The following LCLAT1 variants were observed in gnomAD, a reference collection of about 807,000 sequenced individuals.
LCLAT1 encodes the protein lysocardiolipin acyltransferase 1.
Under a neutral mutation model 30.7 loss-of-function variants are expected in LCLAT1, and 11 were observed. The observed-to-expected ratio is 0.36, with a 90% CI of 0.23 to 0.59. LCLAT1 has a LOEUF of 0.59. Among genes scored for constraint, LCLAT1 ranks in the 20% least tolerant of loss-of-function variants. The pLI is 0.77. For synonymous variants in LCLAT1, 155 were observed against 151.3 expected (o/e 1.02, Z -0.18); for missense variants, 402 against 458.6 (o/e 0.88, Z 1.13).
At chr2:30,521,545 G>T (rs1385174016) in intron 1 of LCLAT1, among the ~76,000 whole-genome samples, 1 of 108,802 alleles carries the variant, frequency 9.2e-6, no homozygotes, top group Non-Finnish European at 1.7e-5. Context: ...GTCTCACTCT[G>T]TCACCAGGCT....
chr2:30,591,309 T>A (rs900816221), intron 5 of LCLAT1, among the ~76,000 whole-genome samples: 4 of 152,142 alleles, frequency 2.6e-5, no homozygotes, highest in African/African-American at 7.2e-5. Context: ...ACAAATGACT[T>A]CTGTGTAAAG....
chr2:30,517,747 GAGTCAGAGAGAGACAGAA>G (rs1362397307), intron 1 of LCLAT1, among the ~76,000 whole-genome samples: 1 of 152,124 alleles, frequency 6.6e-6, no homozygotes, highest in Non-Finnish European at 1.5e-5. Flanking sequence ...GAAACAAAGG[GAGTCAGAGAGAGACAGAA>G]AGTCAGAGAG....
At chr2:30,569,618 T>TTC (rs1193904807) in intron 5 of LCLAT1, among the ~76,000 whole-genome samples, 1 of 127,346 alleles carries the variant, frequency 7.9e-6, no homozygotes, top group African/African-American at 2.9e-5. Flanking sequence ...TGAAGTTCTT[T>TTC]CCCTAAATGG....
intron 3 of LCLAT1, among the ~76,000 whole-genome samples, chr2:30,539,548 T>C (rs1664025371): frequency 1.3e-5 from 2 of 152,164 alleles, no homozygotes; most frequent in African/African-American, 2.4e-5. Context: ...CTTCAACTTA[T>C]TTAAGAACAT....
At chr2:30,470,603 A>G (rs1025146332) in intron 1 of LCLAT1, among the ~76,000 whole-genome samples, 2 of 152,234 alleles carry the variant, frequency 1.3e-5, no homozygotes, top group Non-Finnish European at 2.9e-5. Context: ...CAGCTACGTT[A>G]GGGTTTTCTC....
At chr2:30,573,928 A>G (rs1177292986) in intron 5 of LCLAT1, among the ~76,000 whole-genome samples, 1 of 152,000 alleles carries the variant, frequency 6.6e-6, no homozygotes, top group East Asian at 1.9e-4. Flanking sequence ...TGTATCATAT[A>G]ATAATAGCAG....
chr2:30,560,283 GGTGTGTGTGT>G (rs57326977), intron 3 of LCLAT1, among the ~76,000 whole-genome samples: 1,977 of 144,560 alleles, frequency 0.014, 27 homozygotes, highest in African/African-American at 0.045. Flanking sequence ...AATAAAGTGT[GGTGTGTGTGT>G]GTGTGTGTGT....
intron 4 of LCLAT1, among the ~76,000 whole-genome samples, chr2:30,563,411 G>A (rs2148443199): frequency 6.6e-6 from 1 of 152,308 alleles, no homozygotes; most frequent in Non-Finnish European, 1.5e-5. Context: ...ACTGGGAGGG[G>A]TGATGGTGGG....
At chr2:30,537,661 C>T (rs1663856199) in intron 3 of LCLAT1, among the ~76,000 whole-genome samples, 1 of 152,106 alleles carries the variant, frequency 6.6e-6, no homozygotes, top group African/African-American at 2.4e-5. Flanking sequence ...TCACTCTCAG[C>T]AACAGATAGA....
At chr2:30,640,028 G>T in intron 5 of LCLAT1, 89 bp from the exon 6 acceptor site, 9 of 1,013,044 alleles carry the variant, frequency 8.9e-6, no homozygotes, top group Admixed American at 2.2e-5. Flanking sequence ...CTGATTTTTC[G>T]GTTTCTGGTG....
At position 30,485,505 on chromosome 2, in the gene LCLAT1, A is replaced by G. The variant is rs1572510376; in HGVS notation, c.-5+38122A>G. ...TGATTTTATTAGAGGTTAGGAATTA[A>G]CTTTGTCTTAAATTCACGTTTCCAT... On this transcript the variant is annotated intron_variant, in intron 1 of 5. Coordinates refer to ENST00000379509, the MANE Select transcript of LCLAT1 (RefSeq NM_001002257.3). Among the ~76,000 whole-genome samples the G allele has an allele frequency of 3.3e-5, 5 of 152,216 alleles. No homozygotes were observed. The East Asian group carries it at 9.6e-4, about 29-fold the overall frequency.
Position 30,643,883 on chromosome 2 carries a change from G to A in LCLAT1, c.*3264G>A, listed in dbSNP as rs1669436722. The A allele has an allele frequency of 6.6e-6, 1 of 152,592 alleles. No individual in the cohort carries two copies. The highest frequency in any genetic ancestry group is 6.5e-5 in the Admixed American group (1 of 15,270). 9.5% of individuals were successfully genotyped at this position (152,592 alleles called of 1,614,324 possible). ...TGGTCTCTAAACACTGGTCACTGTA[G>A]CAGGTAAACACTACTCTAACGTGGA... On this transcript the variant is annotated 3_prime_UTR_variant, in exon 6 of 6. Coordinates refer to ENST00000379509, the MANE Select transcript of LCLAT1 (RefSeq NM_001002257.3).
chr2:30,633,653 C>T (rs1368236537), intron 5 of LCLAT1, among the ~76,000 whole-genome samples: 1 of 151,980 alleles, frequency 6.6e-6, no homozygotes, highest in Non-Finnish European at 1.5e-5. Flanking sequence ...CCACTGCACT[C>T]CAGCCTAGGG....
At chr2:30,562,479 T>C (rs1228376804) in intron 4 of LCLAT1, among the ~76,000 whole-genome samples, 187 bp downstream of exon 4, 1 of 152,070 alleles carries the variant, frequency 6.6e-6, no homozygotes, top group Non-Finnish European at 1.5e-5. Context: ...GAGACCAGCC[T>C]GAGCTACATA....
chr2:30,458,741 T>G (rs1681957171), intron 1 of LCLAT1, among the ~76,000 whole-genome samples: 1 of 152,132 alleles, frequency 6.6e-6, no homozygotes, highest in African/African-American at 2.4e-5. Flanking sequence ...TCAGTACTGG[T>G]CCAAGGGAAA....
At chr2:30,613,952 C>T (rs1482375834) in intron 5 of LCLAT1, among the ~76,000 whole-genome samples, 1 of 8,582 alleles carries the variant, frequency 1.2e-4, no homozygotes, top group African/African-American at 1.5e-3. Context: ...AGACAGATGC[C>T]TTCCTCTTGT....
chr2:30,552,731 T>C (rs1032358436), intron 3 of LCLAT1: 6 of 217,704 alleles, frequency 2.8e-5, no homozygotes, highest in Admixed American at 2.2e-4. Flanking sequence ...TTCTGAAAAG[T>C]ATAACTACTT....
chr2:30,494,740 C>T (rs1684016849), intron 1 of LCLAT1, among the ~76,000 whole-genome samples: 1 of 150,926 alleles, frequency 6.6e-6, no homozygotes, highest in African/African-American at 2.4e-5. Flanking sequence ...GCCATGTCTT[C>T]TTAATTTCTG....
chr2:30,450,417 GGGA>G (rs66630382), intron 1 of LCLAT1, among the ~76,000 whole-genome samples: 33,806 of 152,106 alleles, frequency 0.22, 3,831 homozygotes, highest in East Asian at 0.35. Context: ...CTAAGAGAGT[GGGA>G]ACTCTCCTGC....
Sources: allele counts gnomAD v4.1 joint callset (sites outside exome capture counted in the v4.1 genomes callset), GRCh38; gene constraint gnomAD v4.1.1; transcripts MANE v1.5; gene names NCBI Gene and HGNC (gene_info 2026-07-23, HGNC 2026-07-21).